The following CDKL5 variants were observed in gnomAD, a reference collection of about 807,000 sequenced individuals.
CDKL5 encodes cyclin dependent kinase like 5, also known as cyclin-dependent kinase-like 5.
In CDKL5, 8 loss-of-function variants were observed where a neutral mutation model predicts 61.7. The ratio of observed to expected loss-of-function variants is 0.13; its 90% CI spans 0.08 to 0.23. The LOEUF (loss-of-function observed/expected upper bound fraction) is 0.23, where lower values mean the gene tolerates loss of function less well. Among genes scored for constraint, CDKL5 ranks in the 10% least tolerant of loss-of-function variants. CDKL5 has a pLI of 1.00. For synonymous variants in CDKL5, 275 were observed against 272.3 expected (o/e 1.01, Z -0.10); for missense variants, 440 against 734.5 (o/e 0.60, Z 4.63).
intron 17 of CDKL5, chrX:18,626,932 T>C (rs1275449636): frequency 1.8e-5 from 2 of 108,580 alleles, no homozygotes; most frequent in Admixed American, 2.0e-4. Context: ...AATTTTTTTA[T>C]AGAGACGGGG....
intron 10 of CDKL5, among the ~76,000 whole-genome samples, chrX:18,596,668 C>T (rs1392835537): frequency 6.3e-5 from 7 of 111,714 alleles, no homozygotes; most frequent in Non-Finnish European, 9.4e-5. Flanking sequence ...TGGATTGGGA[C>T]CTCAATAATT....
intron 3 of CDKL5, among the ~76,000 whole-genome samples, chrX:18,558,698 A>G (rs1305117970): frequency 8.9e-6 from 1 of 111,913 alleles, no homozygotes; most frequent in Non-Finnish European, 1.9e-5. Context: ...CCTTGGACCC[A>G]TGCTCACAGG....
Position 18,558,429 on chromosome X carries a change from C to A in CDKL5, c.100-6048C>A, listed in dbSNP as rs191909843. Among the ~76,000 whole-genome samples the A allele has an allele frequency of 4.3e-3, 477 of 111,292 alleles. 2 individuals carry two copies. The Middle Eastern group carries it at 0.046, about 11-fold the overall frequency. ...CTTTGTCTACACCTTTATTATATAT[C>A]GCATCTCAGGGTGGTGGTAGAATAA... On this transcript the variant is annotated intron_variant, in intron 3 of 17. Transcript: ENST00000623535.
At chrX:18,648,197 G>A (rs1387781736) in intron 20 of CDKL5, among the ~76,000 whole-genome samples, 4 of 110,934 alleles carry the variant, frequency 3.6e-5, no homozygotes, top group African/African-American at 1.3e-4. Flanking sequence ...TACCTGGTCA[G>A]AGGCTGCCAA....
At chrX:18,641,319 T>C (rs1927567050), downstream of CDKL5, 1 of 113,559 alleles carries the variant, frequency 8.8e-6, no homozygotes, top group Admixed American at 9.1e-5. Flanking sequence ...TATTGGGCGC[T>C]CTGGTCCCTC....
chrX:18,564,690 T>G (rs949937502), intron 4 of CDKL5, among the ~76,000 whole-genome samples, 168 bp downstream of exon 4: 5 of 110,956 alleles, frequency 4.5e-5, no homozygotes, highest in African/African-American at 6.5e-5. Context: ...TTATTTCTTA[T>G]GCTTTGCTTT....
At chrX:18,579,701 G>A (rs1925411216) in intron 5 of CDKL5, 147 bp from the exon 6 acceptor site, 2 of 536,038 alleles carry the variant, frequency 3.7e-6, no homozygotes, top group Admixed American at 3.4e-5. Context: ...TGCTGATTCA[G>A]CATGAGAAAG....
At chrX:18,566,389 A>G (rs984396322) in intron 4 of CDKL5, among the ~76,000 whole-genome samples, 1 of 112,707 alleles carries the variant, frequency 8.9e-6, no homozygotes, top group Non-Finnish European at 1.9e-5. Context: ...TGCTGAGCTC[A>G]AAGTGATCCG....
chrX:18,582,797 C>T (rs1292063559), intron 7 of CDKL5, among the ~76,000 whole-genome samples: 7 of 111,346 alleles, frequency 6.3e-5, no homozygotes, highest in Non-Finnish European at 1.3e-4. Flanking sequence ...AAATTTGCTT[C>T]GTAGAATGAC....
rs267608555 is a variant in CDKL5 at position 18,603,879 on chromosome X, T to C, written c.978-23T>C. 1.9e-5 allele frequency: 23 copies of C among 1,207,089 alleles called. No homozygotes were observed. Among genetic ancestry groups the C allele is most frequent in the South Asian group, 8.8e-5 (5 of 56,739 alleles). On this transcript the variant is annotated intron_variant, in intron 11 of 17. Coordinates refer to ENST00000623535, the MANE Select transcript of CDKL5 (RefSeq NM_001323289.2). ...TGTCAGCTATTGAGGGAAACTGATATACTTCTTTTGTTTTTAACATAGAAA... is the reference window on the plus strand; with the variant it reads ...TGTCAGCTATTGAGGGAAACTGATACACTTCTTTTGTTTTTAACATAGAAA...
chrX:18,469,414 C>G (rs1370948042), intron 1 of CDKL5, among the ~76,000 whole-genome samples: 27 of 103,698 alleles, frequency 2.6e-4, no homozygotes, highest in Non-Finnish European at 4.9e-4. Flanking sequence ...TTTGGGAGGC[C>G]GAGGCGGGTG....
chrX:18,597,875 C>T (rs188780620), intron 10 of CDKL5, among the ~76,000 whole-genome samples: 1 of 111,220 alleles, frequency 9.0e-6, no homozygotes, highest in African/African-American at 3.3e-5. Flanking sequence ...GGATTACAGG[C>T]GTGAGCCACC....
At chrX:18,484,323 T>G (rs1921702112) in intron 1 of CDKL5, among the ~76,000 whole-genome samples, 1 of 109,718 alleles carries the variant, frequency 9.1e-6, no homozygotes, top group Non-Finnish European at 1.9e-5. Flanking sequence ...TCAATTCTTT[T>G]TTTTTGGGGG....
chrX:18,641,987 C>T (rs1002230951), downstream of CDKL5: 6 of 1,208,831 alleles, frequency 5.0e-6, no homozygotes, highest in Admixed American at 1.3e-4. Context: ...CTGGCAGGCG[C>T]CGAGCTGAGG....
intron 3 of CDKL5, among the ~76,000 whole-genome samples, chrX:18,545,338 A>G (rs900547152): frequency 8.9e-6 from 1 of 112,039 alleles, no homozygotes; most frequent in Non-Finnish European, 1.9e-5. Flanking sequence ...CTGATTATGT[A>G]TATCTATTAT....
At chrX:18,648,284 T>G (rs745474713) in intron 20 of CDKL5, among the ~76,000 whole-genome samples, 87 of 110,383 alleles carry the variant, frequency 7.9e-4, no homozygotes, top group African/African-American at 2.8e-3. Context: ...CGCCCTGTCC[T>G]AGGCTGCAGT....
chrX:18,574,867 T>G (rs1485136879), intron 4 of CDKL5, among the ~76,000 whole-genome samples: 1 of 112,206 alleles, frequency 8.9e-6, no homozygotes, highest in Admixed American at 9.4e-5. Context: ...AAATGTTTTT[T>G]TAGGCCAAAG....
intron 1 of CDKL5, among the ~76,000 whole-genome samples, chrX:18,479,700 C>T (rs966550455): frequency 9.0e-6 from 1 of 111,222 alleles, no homozygotes; most frequent in African/African-American, 3.3e-5. Flanking sequence ...GTGTATTAGT[C>T]CAGGCTCTCC....
At chrX:18,492,069 A>G (rs757141969) in intron 1 of CDKL5, among the ~76,000 whole-genome samples, 1 of 111,457 alleles carries the variant, frequency 9.0e-6, no homozygotes, top group South Asian at 3.8e-4. Flanking sequence ...GAAGGATTTT[A>G]TCAAATTGGT....
Sources: allele counts gnomAD v4.1 joint callset (sites outside exome capture counted in the v4.1 genomes callset), GRCh38; gene constraint gnomAD v4.1.1; transcripts MANE v1.5; gene names NCBI Gene and HGNC (gene_info 2026-07-23, HGNC 2026-07-21).